Variants in UIMC1 observed in about 807,000 individuals in gnomAD.
The protein encoded by UIMC1 is ubiquitin interaction motif containing 1, also known as BRCA1-A complex subunit RAP80.
A neutral mutation model predicts 84.9 loss-of-function variants in UIMC1; 42 were observed. The ratio of observed to expected loss-of-function variants is 0.49; its 90% CI spans 0.39 to 0.64. The LOEUF (loss-of-function observed/expected upper bound fraction) is 0.64, where lower values mean the gene tolerates loss of function less well. Among genes scored for constraint, UIMC1 ranks in the 30% least tolerant of loss-of-function variants. The probability of loss-of-function intolerance (pLI) is 0.00; values close to 1 mark genes in which losing one functional copy is unlikely to be tolerated. For missense variants in UIMC1, 825 were observed against 847.6 expected, an observed-to-expected ratio of 0.97 and a Z score of 0.33; for synonymous variants, 281 against 293.0, an observed-to-expected ratio of 0.96 and a Z score of 0.42.
chr5:177,010,670 T>G (rs1157121922), upstream of UIMC1, among the ~76,000 whole-genome samples: 2 of 151,996 alleles, frequency 1.3e-5, no homozygotes, highest in African/African-American at 4.8e-5. Context: ...TACAGGCGTG[T>G]GCCACTGCAC....
At chr5:176,924,300 A>G (rs1762113417) in intron 10 of UIMC1, among the ~76,000 whole-genome samples, 1 of 151,676 alleles carries the variant, frequency 6.6e-6, no homozygotes, top group South Asian at 2.1e-4. Context: ...CCTGGGGGAC[A>G]AGAGTGAGAA....
chr5:176,921,180 T>A (rs1761663380), intron 10 of UIMC1, among the ~76,000 whole-genome samples: 1 of 152,206 alleles, frequency 6.6e-6, no homozygotes, highest in Non-Finnish European at 1.5e-5. Flanking sequence ...TATTAGTCTA[T>A]CTGCATCTGT....
chr5:176,968,830 T>A lies in UIMC1; in HGVS notation c.925A>T (p.Met309Leu), dbSNP rs1194560151. ...TTATTAAGGAGCTGCCTCTGAGCCA[T>A]TTTCAGGCTCTTTTGATAAACCTCC... ...QLEVYQKSLK[M>L]AQRQLLNKKG... Residue 309 changes from methionine to leucine, a missense_variant, in exon 6 of 15, where the codon ATG becomes TTG. Met to Leu is a conservative substitution (Grantham distance 15). Transcript: ENST00000511320. The A allele has an allele frequency of 6.2e-7, 1 of 1,614,072 alleles. No homozygotes were observed. The highest frequency in any genetic ancestry group is 2.2e-5 in the East Asian group (1 of 44,896).
At chr5:176,912,751 C>A (rs1463436047) in intron 10 of UIMC1, among the ~76,000 whole-genome samples, 7 of 150,922 alleles carry the variant, frequency 4.6e-5, no homozygotes, top group Non-Finnish European at 1.0e-4. Context: ...CTGCAACCTC[C>A]GCCTCCCGAG....
At chr5:177,007,400 G>T (rs547867021), upstream of UIMC1, among the ~76,000 whole-genome samples, 32 of 151,616 alleles carry the variant, frequency 2.1e-4, no homozygotes, top group African/African-American at 7.5e-4. Flanking sequence ...ACTCCTACAG[G>T]TGTGCACAAG....
intron 3 of UIMC1, among the ~76,000 whole-genome samples, chr5:176,973,983 C>T (rs1769662591): frequency 6.6e-6 from 1 of 152,048 alleles, no homozygotes; most frequent in African/African-American, 2.4e-5. Context: ...ATCACTTGAG[C>T]CTAGGAGGTT....
chr5:176,923,054 C>T (rs1761901896), intron 10 of UIMC1, among the ~76,000 whole-genome samples: 1 of 152,170 alleles, frequency 6.6e-6, no homozygotes, highest in South Asian at 2.1e-4. Flanking sequence ...GCCCCTAAGC[C>T]TTTGTTTGCT....
chr5:176,972,942 G>A (rs912298689), intron 3 of UIMC1, among the ~76,000 whole-genome samples: 2 of 144,646 alleles, frequency 1.4e-5, no homozygotes, highest in Admixed American at 6.9e-5. Flanking sequence ...TTGAAATGGC[G>A]TCTCTCTCTG....
At chr5:176,923,085 A>G (rs569791768) in intron 10 of UIMC1, among the ~76,000 whole-genome samples, 3 of 152,334 alleles carry the variant, frequency 2.0e-5, no homozygotes, top group African/African-American at 7.2e-5. Context: ...TGGACCCAGC[A>G]ATGCTTATCT....
At chr5:176,975,338 G>C (rs949355782) in intron 3 of UIMC1, 58 bp downstream of exon 3, 57 of 1,535,192 alleles carry the variant, frequency 3.7e-5, no homozygotes, top group Non-Finnish European at 4.8e-5. Context: ...AGTCCAAAAT[G>C]TATCAGTTCT....
At chr5:176,961,045 G>A (rs1235102257) in intron 6 of UIMC1, among the ~76,000 whole-genome samples, 1 of 58,210 alleles carries the variant, frequency 1.7e-5, no homozygotes, top group African/African-American at 1.5e-4. Context: ...CCTCTGCCCG[G>A]CCGCCACCCC....
chr5:176,938,425 T>C (rs1017425239), intron 10 of UIMC1, among the ~76,000 whole-genome samples: 2 of 152,174 alleles, frequency 1.3e-5, no homozygotes, highest in Non-Finnish European at 2.9e-5. Context: ...ACTGAGTACC[T>C]ATTGTACACC....
In UIMC1 at chr5:176,905,407, C is replaced by A. The variant is rs978118983; in HGVS notation, c.2035G>T (p.Val679Phe). ...FTRRDLNESP[V>F]KSFVSISEAT... The stretch of plus-strand genomic sequence containing the variant: ...TCTGAAATGGAAACAAAAGACTTGA[C>A]GGGAGATTCATTTAAGTCACGACGT... Residue 679 changes from valine to phenylalanine, a missense_variant, in exon 15 of 15, where the codon GTC (valine) becomes TTC (phenylalanine). Transcript: ENST00000511320. The A allele has an allele frequency of 1.2e-6, 2 of 1,614,076 alleles. 1 individual carries two copies. Among genetic ancestry groups the A allele is most frequent in the Admixed American group, 3.3e-5 (2 of 60,002 alleles).
At chr5:176,937,554 GACA>G (rs1443394704) in intron 10 of UIMC1, among the ~76,000 whole-genome samples, 5 of 152,136 alleles carry the variant, frequency 3.3e-5, no homozygotes, top group Non-Finnish European at 5.9e-5. Flanking sequence ...GTTCTGAATA[GACA>G]ACGTCATTGA....
chr5:176,921,981 A>G (rs1478580008), intron 10 of UIMC1, among the ~76,000 whole-genome samples: 8 of 152,144 alleles, frequency 5.3e-5, no homozygotes, highest in Non-Finnish European at 8.8e-5. Context: ...TCTTTCCTGC[A>G]GCTCTAAGAA....
intron 1 of UIMC1, among the ~76,000 whole-genome samples, chr5:176,988,903 C>T (rs572583351): frequency 5.3e-5 from 8 of 152,102 alleles, no homozygotes; most frequent in South Asian, 2.1e-4. Context: ...AAGATGGTCT[C>T]GATCTCTCGA....
At position 176,949,626 on chromosome 5, in the gene UIMC1, T is replaced by C. The variant is rs551643160; in HGVS notation, c.1443+1848A>G. 2.6e-5 allele frequency among the ~76,000 whole-genome samples: 4 copies of C among 152,312 alleles called. No individual in the cohort carries two copies. In the South Asian group the frequency reaches 6.2e-4, roughly 24 times the overall value. ...TCATCTTTCCTACCACCACTGGCAT[T>C]AGGGAATCTTGGTCAATTGTGACAG... On this transcript the variant is annotated intron_variant, in intron 9 of 14. Transcript: ENST00000511320.
chr5:176,974,421 G>C (rs575911779), intron 3 of UIMC1, among the ~76,000 whole-genome samples: 4 of 152,110 alleles, frequency 2.6e-5, no homozygotes, highest in African/African-American at 9.6e-5. Context: ...AAATGCTAAA[G>C]CTAAAACTAT....
At chr5:176,954,757 A>G (rs1766377809) in intron 8 of UIMC1, among the ~76,000 whole-genome samples, 1 of 151,420 alleles carries the variant, frequency 6.6e-6, no homozygotes, top group African/African-American at 2.4e-5. Context: ...CAAAAAAAAA[A>G]AAAAAAGAAA....
Sources: allele counts gnomAD v4.1 joint callset (sites outside exome capture counted in the v4.1 genomes callset), GRCh38; gene constraint gnomAD v4.1.1; transcripts MANE v1.5; gene names NCBI Gene and HGNC (gene_info 2026-07-23, HGNC 2026-07-21).